The following TMPRSS4 variants were observed in gnomAD, a reference collection of about 807,000 sequenced individuals.
The protein encoded by TMPRSS4 is transmembrane serine protease 4.
TMPRSS4 carries 45 observed loss-of-function variants against 56.4 expected under a neutral mutation model. That is an observed-to-expected ratio of 0.80 (90% CI 0.63 to 1.02). The LOEUF (loss-of-function observed/expected upper bound fraction) is 1.02, where lower values mean the gene tolerates loss of function less well. Among genes scored for constraint, TMPRSS4 ranks in the 50% least tolerant of loss-of-function variants. The pLI is 0.00. For missense variants in TMPRSS4, 546 were observed against 556.7 expected (o/e 0.98, Z 0.19); for synonymous variants, 205 against 211.0 (o/e 0.97, Z 0.25).
rs118160252 is a variant in TMPRSS4 at position 118,117,390 on chromosome 11, C to T, written c.1238C>T (p.Pro413Leu). ...IVSWGYGCGG[P>L]STPGVYTKVS... ...AGTTGGGGCTATGGCTGCGGGGGCC[C>T]GAGCACCCCAGGAGTATACACCAAG... Residue 413 changes from proline to leucine, a missense_variant, in exon 12 of 13, where the codon CCG (proline) becomes CTG (leucine). Physicochemically the swap from Pro to Leu is moderately conservative, Grantham distance 98 (BLOSUM62 -3). Coordinates refer to ENST00000437212, the MANE Select transcript of TMPRSS4 (RefSeq NM_019894.4). 16,656 of 1,614,034 alleles carry T rather than the reference C, an allele frequency of 0.01. 717 individuals carry two copies. The Admixed American group carries it at 0.11, about 10-fold the overall frequency.
At chr11:118,097,515 C>G (rs1295719992) in intron 2 of TMPRSS4, among the ~76,000 whole-genome samples, 1 of 152,112 alleles carries the variant, frequency 6.6e-6, no homozygotes, top group Non-Finnish European at 1.5e-5. Context: ...TCCCCCAGGG[C>G]AGAAGTCCCC....
At chr11:118,089,219 G>C (rs548517750) in intron 1 of TMPRSS4, among the ~76,000 whole-genome samples, 1 of 152,080 alleles carries the variant, frequency 6.6e-6, no homozygotes, top group Non-Finnish European at 1.5e-5. Flanking sequence ...TCTTCCAAAG[G>C]TGTATCTGTC....
At chr11:118,113,122 C>A in intron 8 of TMPRSS4, 147 bp from the exon 9 acceptor site, 1 of 743,820 alleles carries the variant, frequency 1.3e-6, no homozygotes, top group Non-Finnish European at 2.1e-6. Context: ...AAGACTGCCC[C>A]TTCTCCACCA....
At chr11:118,097,464 G>A (rs752552573) in intron 2 of TMPRSS4, among the ~76,000 whole-genome samples, 15 of 152,042 alleles carry the variant, frequency 9.9e-5, no homozygotes, top group Non-Finnish European at 1.8e-4. Context: ...TAGGAGAGCC[G>A]GTCCGTTGCT....
chr11:118,098,180 A>G (rs951275534), intron 2 of TMPRSS4, among the ~76,000 whole-genome samples: 2 of 152,214 alleles, frequency 1.3e-5, no homozygotes, highest in African/African-American at 4.8e-5. Flanking sequence ...ATAATGTTCA[A>G]GAGTCTCCAC....
intron 8 of TMPRSS4, among the ~76,000 whole-genome samples, chr11:118,112,734 G>C (rs1306628960): frequency 6.6e-6 from 1 of 151,632 alleles, no homozygotes; most frequent in Non-Finnish European, 1.5e-5. Flanking sequence ...GCACCTACCA[G>C]GTACCAAACA....
Position 118,096,888 on chromosome 11 carries a change from AAAGAAAGAAAGAAAGAAAGAAAGG to A in TMPRSS4, c.43+2034_43+2057del, listed in dbSNP as rs1461873990. Among the ~76,000 whole-genome samples, 7 of 55,414 alleles carry A rather than the reference AAAGAAAGAAAGAAAGAAAGAAAGG, an allele frequency of 1.3e-4. 2 individuals are homozygous for A. The highest frequency in any genetic ancestry group is 4.5e-4 in the African/African-American group (6 of 13,412). The allele number at this position is 55,414 out of a possible 152,430, so 36.4% of individuals were successfully genotyped here. ...GAAAGAAAGAAAGAAAGAAAGAAAG[AAAGAAAGAAAGAAAGAAAGAAAGG>A]GAGAGAGAAAGGAAAGAAAGAAAGA... is the stretch of plus-strand genomic sequence containing the variant. On this transcript the variant is annotated intron_variant, in intron 2 of 12. Transcript: ENST00000437212.
At chr11:118,108,693 T>G (rs1450427908) in intron 6 of TMPRSS4, 163 bp from the exon 7 acceptor site, 6 of 648,388 alleles carry the variant, frequency 9.3e-6, no homozygotes, top group Non-Finnish European at 1.3e-5. Flanking sequence ...ATGCAGGAAA[T>G]GCAATGGATG....
chr11:118,093,534 A>G (rs1591366303), intron 1 of TMPRSS4, among the ~76,000 whole-genome samples: 1 of 152,192 alleles, frequency 6.6e-6, no homozygotes. Context: ...TGGCTCCTCC[A>G]TGTGACTCTG....
At chr11:118,082,304 T>C (rs1467359084) in intron 1 of TMPRSS4, among the ~76,000 whole-genome samples, 1 of 152,176 alleles carries the variant, frequency 6.6e-6, no homozygotes, top group East Asian at 1.9e-4. Context: ...CTCATGCCTG[T>C]AATCCCAGCA....
intron 11 of TMPRSS4, among the ~76,000 whole-genome samples, chr11:118,115,767 A>G (rs1296787347): frequency 2.0e-5 from 3 of 152,106 alleles, no homozygotes; most frequent in Admixed American, 1.3e-4. Context: ...AGGTTGCAGT[A>G]AGCTGAGATT....
In TMPRSS4 at chr11:118,115,120, G is replaced by A. The variant is rs1188142388; in HGVS notation, c.1010-18G>A. 6.2e-7 allele frequency: 1 copy of A among 1,606,296 alleles called. No homozygotes were observed. The highest frequency in any genetic ancestry group is 8.5e-7 in the Non-Finnish European group (1 of 1,176,768). ...ATAGAAGGCAAGGATGGGAATGTGA[G>A]TGTTTTTACCCTCCCAGGGAAGATG... is the stretch of plus-strand genomic sequence containing the variant. On this transcript the variant is annotated intron_variant, in intron 10 of 12. Coordinates refer to ENST00000437212, the MANE Select transcript of TMPRSS4 (RefSeq NM_019894.4).
At position 118,121,603 on chromosome 11, in the gene TMPRSS4, C is replaced by T. The variant is rs1947796558; in HGVS notation, c.*3690C>T. On this transcript the variant is annotated 3_prime_UTR_variant, in exon 13 of 13. Coordinates refer to ENST00000437212, the MANE Select transcript of TMPRSS4 (RefSeq NM_019894.4). ...CAAACTCCCGACCTCAAGTGATCCC[C>T]CCGCCTCGGCCTCCCAAAGTGCTGG... is the stretch of plus-strand genomic sequence containing the variant. 6.6e-6 allele frequency: 1 copy of T among 152,184 alleles called. No individual in the cohort carries two copies. Among genetic ancestry groups the T allele is most frequent in the African/African-American group, 2.4e-5 (1 of 41,432 alleles). 9.4% of individuals were successfully genotyped at this position (152,184 alleles called of 1,614,324 possible).
chr11:118,081,015 G>A (rs983455701), intron 1 of TMPRSS4, among the ~76,000 whole-genome samples: 6 of 152,220 alleles, frequency 3.9e-5, no homozygotes, highest in African/African-American at 1.4e-4. Context: ...AGCTTCTTGA[G>A]GACAGGGTCT....
rs1947794191 is a variant in TMPRSS4, at chr11:118,121,533, A to G, written c.*3620A>G. 6.6e-6 allele frequency: 1 copy of G among 152,104 alleles called. No individual in the cohort carries two copies. The highest frequency in any genetic ancestry group is 1.5e-5 in the Non-Finnish European group (1 of 68,026). The allele number at this position is 152,104 out of a possible 1,614,324, so 9.4% of individuals were successfully genotyped here. A position where few individuals can be genotyped will look rare whatever the true frequency, so the allele number is the denominator to read the frequency against. On this transcript the variant is annotated 3_prime_UTR_variant, in exon 13 of 13. Transcript: ENST00000437212. ...GCCACCATATCCGGCTAATTTTTGA[A>G]TTTTTAGTAGAGATGGGGTTTCACT...
At chr11:118,107,324 G>C (rs1378564680) in intron 5 of TMPRSS4, 1 of 153,956 alleles carries the variant, frequency 6.5e-6, no homozygotes, top group African/African-American at 2.4e-5. Context: ...AGTCAGACCA[G>C]ATGCTTTGTT....
At position 118,117,898 on chromosome 11, in the gene TMPRSS4, C is replaced by G; in HGVS notation, c.1303-4C>G. The G allele has an allele frequency of 1.2e-6, 2 of 1,613,714 alleles. No individual in the cohort carries two copies. Among genetic ancestry groups the G allele is most frequent in the Non-Finnish European group, 1.7e-6 (2 of 1,180,040 alleles). Reference sequence around the variant, plus strand: ...TTTCTCTTCATCGGTCTCTCTTATTCTAGGCTGAGCTGTAATGCTGCTGCC... The same window carrying G: ...TTTCTCTTCATCGGTCTCTCTTATTGTAGGCTGAGCTGTAATGCTGCTGCC... On this transcript the variant is annotated splice_polypyrimidine_tract_variant and splice_region_variant and intron_variant, in intron 12 of 12. Coordinates refer to ENST00000437212, the MANE Select transcript of TMPRSS4 (RefSeq NM_019894.4).
At chr11:118,083,368 A>T (rs1945303515) in intron 1 of TMPRSS4, among the ~76,000 whole-genome samples, 2 of 152,142 alleles carry the variant, frequency 1.3e-5, no homozygotes, top group African/African-American at 2.4e-5. Flanking sequence ...GAGTTCACAC[A>T]GGTCACACGA....
At chr11:118,080,671 G>C (rs1945055854) in intron 1 of TMPRSS4, among the ~76,000 whole-genome samples, 1 of 152,158 alleles carries the variant, frequency 6.6e-6, no homozygotes, top group African/African-American at 2.4e-5. Flanking sequence ...AAGAAATGAG[G>C]AGAGACCAGC....
Sources: allele counts gnomAD v4.1 joint callset (sites outside exome capture counted in the v4.1 genomes callset), GRCh38; gene constraint gnomAD v4.1.1; transcripts MANE v1.5; gene names NCBI Gene and HGNC (gene_info 2026-07-23, HGNC 2026-07-21).